CCDC88C: variants seen among roughly 807,000 people sequenced by gnomAD.
CCDC88C encodes the protein coiled-coil and HOOK domain protein 88C.
CCDC88C carries 131 observed loss-of-function variants against 198.8 expected under a neutral mutation model. The ratio of observed to expected loss-of-function variants is 0.66; its 90% confidence interval spans 0.57 to 0.76. CCDC88C has a LOEUF of 0.76. CCDC88C is among the 30% of genes least tolerant of loss of function. The probability of loss-of-function intolerance (pLI) is 0.00; values close to 1 mark genes in which losing one functional copy is unlikely to be tolerated. For synonymous variants in CCDC88C, 1,166 were observed against 1,114.7 expected (o/e 1.05, Z -0.92); for missense variants, 2,553 against 2,631.6 (o/e 0.97, Z 0.65).
At chr14:91,407,331 C>T (rs376502174) in intron 3 of CCDC88C, among the ~76,000 whole-genome samples, 4 of 152,224 alleles carry the variant, frequency 2.6e-5, no homozygotes, top group African/African-American at 4.8e-5. Context: ...AGGGGAGTCA[C>T]GGCTGGCCAG....
chr14:91,283,239 A>G, intron 26 of CCDC88C, 90 bp downstream of exon 26: 16 of 1,327,068 alleles, frequency 1.2e-5, no homozygotes, highest in Non-Finnish European at 1.6e-5. Flanking sequence ...ACTGAGAGGG[A>G]GAGCAACCTC....
At chr14:91,318,190 C>A (rs1211127245) in intron 13 of CCDC88C, among the ~76,000 whole-genome samples, 2 of 152,070 alleles carry the variant, frequency 1.3e-5, no homozygotes, top group African/African-American at 2.4e-5. Flanking sequence ...GAGGCTGAGA[C>A]CGAAGGACTG....
Position 91,352,988 on chromosome 14 carries a change from A to G in CCDC88C, c.340+6654T>C, listed in dbSNP as rs1187469548. ...CCTCACAAGTTCCCCGGGGCCCCCG[A>G]AGGAAGGCAGGGCTGTGCCGTGTGG... is the stretch of plus-strand genomic sequence containing the variant. On this transcript the variant is annotated intron_variant, in intron 4 of 29. Transcript: ENST00000389857. The surrounding 1 kb of genome is among the most constrained non-coding windows in gnomAD (Gnocchi z 4.2). Among the ~76,000 whole-genome samples, 3 of 152,178 alleles carry G rather than the reference A, an allele frequency of 2.0e-5. No homozygotes were observed. The highest frequency in any genetic ancestry group is 7.2e-5 in the African/African-American group (3 of 41,424).
At chr14:91,315,271 A>G (rs1157337860) in intron 14 of CCDC88C, among the ~76,000 whole-genome samples, 2 of 152,010 alleles carry the variant, frequency 1.3e-5, no homozygotes, top group Admixed American at 1.3e-4. Context: ...ATAAAACCAC[A>G]CGGATTTGCC....
intron 3 of CCDC88C, among the ~76,000 whole-genome samples, chr14:91,374,745 C>T (rs1884275922): frequency 6.6e-6 from 1 of 152,244 alleles, no homozygotes; most frequent in Admixed American, 6.5e-5. Context: ...ATTCCGAAGC[C>T]TCAGGAGGCA....
At position 91,284,324 on chromosome 14, in the gene CCDC88C, C is replaced by T. The variant is rs556137719; in HGVS notation, c.4442-807G>A. Among the ~76,000 whole-genome samples the T allele has an allele frequency of 3.9e-5, 6 of 152,276 alleles. No homozygotes were observed. The highest frequency in any genetic ancestry group is 7.4e-5 in the Non-Finnish European group (5 of 68,014). On this transcript the variant is annotated intron_variant, in intron 25 of 29. Coordinates refer to ENST00000389857, the MANE Select transcript of CCDC88C (RefSeq NM_001080414.4). The surrounding 1 kb of genome is among the most constrained non-coding windows in gnomAD (Gnocchi z 4.1). ...AGTTCGGCTTCTCCACCCATCAAGCCGTCTGCCCTCCCAGCCACTCAAAGT... is the reference window on the plus strand; with the variant it reads ...AGTTCGGCTTCTCCACCCATCAAGCTGTCTGCCCTCCCAGCCACTCAAAGT...
At chr14:91,277,097 G>A (rs1263992040) in intron 29 of CCDC88C, among the ~76,000 whole-genome samples, 18 of 152,172 alleles carry the variant, frequency 1.2e-4, no homozygotes, top group Admixed American at 1.2e-3. Flanking sequence ...AGCCTCCCGA[G>A]TAGTTGGGGT....
intron 5 of CCDC88C, 65 bp downstream of exon 5, chr14:91,343,534 T>G: frequency 1.2e-6 from 2 of 1,602,414 alleles, no homozygotes; most frequent in Non-Finnish European, 1.7e-6. Context: ...CTCGGTCAAG[T>G]CCCGCAAACC....
At chr14:91,392,375 G>C (rs1885558542) in intron 3 of CCDC88C, among the ~76,000 whole-genome samples, 1 of 152,146 alleles carries the variant, frequency 6.6e-6, no homozygotes, top group Non-Finnish European at 1.5e-5. Context: ...GCTCCGAGGG[G>C]CTGGCTTCAA....
chr14:91,356,887 G>C (rs968969401), intron 4 of CCDC88C, among the ~76,000 whole-genome samples: 2 of 152,178 alleles, frequency 1.3e-5, no homozygotes, highest in Non-Finnish European at 2.9e-5. Context: ...TGAGAAGAGG[G>C]GGAGCACCAG....
chr14:91,409,289 A>T (rs946191377), intron 2 of CCDC88C, among the ~76,000 whole-genome samples: 1 of 151,818 alleles, frequency 6.6e-6, no homozygotes, highest in African/African-American at 2.4e-5. Flanking sequence ...CCTGAGCTCA[A>T]GGGATCTTCC....
chr14:91,360,108 T>C (rs1894239250), intron 3 of CCDC88C, among the ~76,000 whole-genome samples: 1 of 152,166 alleles, frequency 6.6e-6, no homozygotes, highest in Admixed American at 6.5e-5. Context: ...ATTTTTATTG[T>C]ATGGCTTGTG....
chr14:91,277,748 C>T (rs1289989287), intron 29 of CCDC88C, among the ~76,000 whole-genome samples, 174 bp downstream of exon 29: 3 of 152,358 alleles, frequency 2.0e-5, no homozygotes, highest in Middle Eastern at 3.4e-3. Context: ...TTGGGGCTGG[C>T]GGCTGGCTTG....
intron 4 of CCDC88C, among the ~76,000 whole-genome samples, chr14:91,356,672 T>C (rs932461288): frequency 2.0e-5 from 3 of 152,146 alleles, no homozygotes; most frequent in African/African-American, 7.2e-5. Flanking sequence ...TTTTATAGCA[T>C]GCAAATGATA....
chr14:91,321,794 C>G (rs1326645328), intron 12 of CCDC88C, among the ~76,000 whole-genome samples: 1 of 152,192 alleles, frequency 6.6e-6, no homozygotes, highest in East Asian at 1.9e-4. Flanking sequence ...ACTTGTCAGC[C>G]TGGATGAGAT....
At chr14:91,345,193 T>TTG (rs1893493341) in intron 4 of CCDC88C, among the ~76,000 whole-genome samples, 1 of 119,572 alleles carries the variant, frequency 8.4e-6, no homozygotes, top group African/African-American at 3.3e-5. Flanking sequence ...TATATATATT[T>TTG]TTTTTTTTTT....
intron 4 of CCDC88C, among the ~76,000 whole-genome samples, chr14:91,351,429 T>C (rs569053986): frequency 2.0e-5 from 3 of 152,266 alleles, no homozygotes; most frequent in African/African-American, 7.2e-5. Context: ...CGAGAAGAGC[T>C]GTTTATTATT....
Position 91,321,175 on chromosome 14 carries a change from T to C in CCDC88C, c.1472A>G (p.Glu491Gly), listed in dbSNP as rs1892340459. The stretch of plus-strand genomic sequence containing the variant: ...CAGCTCCCCGCACTTGAGGCCGCTC[T>C]CCTCCAACACCAGGGACGCGTCCCG... ...GLRDASLVLE[E>G]SGLKCGELEK... The change falls in exon 13 of 30, where the codon GAG (glutamate) becomes GGG (glycine). Residue 491 changes from glutamate to glycine, a missense_variant. Physicochemically the swap from Glu to Gly is moderately conservative, Grantham distance 98. Around this residue, in one of 2 missense-constraint regions of CCDC88C, gnomAD observed 1,260 missense variants for 1,412.0 expected, o/e 0.89. Transcript: ENST00000389857. The C allele has an allele frequency of 6.2e-7, 1 of 1,613,244 alleles. No homozygotes were observed. The highest frequency in any genetic ancestry group is 8.5e-7 in the Non-Finnish European group (1 of 1,179,650).
chr14:91,415,713 T>A (rs1209980326), intron 2 of CCDC88C, among the ~76,000 whole-genome samples: 1 of 148,492 alleles, frequency 6.7e-6, no homozygotes, highest in Admixed American at 6.8e-5. Context: ...AGAGCGAAAC[T>A]CCGTCTCCAA....
Sources: gnomAD v4.1 joint callset for allele counts (sites outside exome capture counted in the v4.1 genomes callset) on GRCh38, gnomAD v4.1.1 for gene constraint, gnomAD v4.1.1 regional missense constraint, Gnocchi (gnomAD v3.1) non-coding constraint, MANE v1.5 for transcripts, NCBI Gene and HGNC (gene_info 2026-07-23, HGNC 2026-07-21) for gene names.